The following LYN variants were observed in gnomAD, a reference collection of about 807,000 sequenced individuals.
The protein encoded by LYN is LYN proto-oncogene, Src family tyrosine kinase, also known as tyrosine-protein kinase Lyn.
Under a neutral mutation model 65.0 loss-of-function variants are expected in LYN, and 12 were observed. The ratio of observed to expected loss-of-function variants is 0.18; its 90% confidence interval spans 0.12 to 0.30. The LOEUF (loss-of-function observed/expected upper bound fraction) is 0.30, where lower values mean the gene tolerates loss of function less well. LYN is among the 10% of genes least tolerant of loss of function. The probability of loss-of-function intolerance (pLI) is 1.00; values close to 1 mark genes in which losing one functional copy is unlikely to be tolerated. For missense variants in LYN, 380 were observed against 623.2 expected, an observed-to-expected ratio of 0.61 and a Z score of 4.16; for synonymous variants, 222 against 221.2, an observed-to-expected ratio of 1.00 and a Z score of -0.03.
intron 10 of LYN, among the ~76,000 whole-genome samples, chr8:55,989,250 T>C (rs554068524): frequency 6.6e-6 from 1 of 152,352 alleles, no homozygotes; most frequent in African/African-American, 2.4e-5. Flanking sequence ...ATGAATGACC[T>C]GGATGGTCAT....
intron 1 of LYN, among the ~76,000 whole-genome samples, chr8:55,884,428 G>A (rs1804733838): frequency 6.6e-6 from 1 of 150,570 alleles, no homozygotes; most frequent in African/African-American, 2.4e-5. Context: ...TTTGGCTTAA[G>A]TTAGTTGGAA....
At chr8:55,886,476 G>A (rs942129420) in intron 1 of LYN, among the ~76,000 whole-genome samples, 7 of 152,098 alleles carry the variant, frequency 4.6e-5, no homozygotes, top group Non-Finnish European at 8.8e-5. Context: ...TCGAACACCT[G>A]ACCTCAGGTG....
At chr8:55,918,969 C>A (rs1437723289) in intron 1 of LYN, among the ~76,000 whole-genome samples, 1 of 129,182 alleles carries the variant, frequency 7.7e-6, no homozygotes, top group African/African-American at 3.0e-5. Flanking sequence ...GAGTTCGAGG[C>A]AGGAGAATTG....
intron 1 of LYN, among the ~76,000 whole-genome samples, chr8:55,890,132 A>AAAAAAAAAAAAAAATAAAAAC (rs1158967300): frequency 6.6e-6 from 1 of 150,608 alleles, no homozygotes; most frequent in Non-Finnish European, 1.5e-5. Context: ...AAAAAAAAAA[A>AAAAAAAAAAAAAAATAAAAAC]AAAAAAGAAT....
chr8:55,895,274 G>A (rs1212392074), intron 1 of LYN, among the ~76,000 whole-genome samples: 2 of 152,144 alleles, frequency 1.3e-5, no homozygotes, highest in Non-Finnish European at 2.9e-5. Flanking sequence ...TAAGGAGACT[G>A]ACCAGAGCAG....
At chr8:55,895,701 C>T (rs1319702064) in intron 1 of LYN, 1 of 151,952 alleles carries the variant, frequency 6.6e-6, no homozygotes, top group East Asian at 1.9e-4. Flanking sequence ...AGATGAAGCT[C>T]CTTCATCTAA....
intron 1 of LYN, among the ~76,000 whole-genome samples, chr8:55,939,122 A>G (rs866450594): frequency 6.6e-6 from 1 of 152,210 alleles, no homozygotes; most frequent in Non-Finnish European, 1.5e-5. Context: ...TTCATACAGC[A>G]TAAGGAATTG....
chr8:55,903,370 A>G (rs1805332554), intron 1 of LYN, among the ~76,000 whole-genome samples: 1 of 152,240 alleles, frequency 6.6e-6, no homozygotes, highest in African/African-American at 2.4e-5. Flanking sequence ...TATTCAAAAG[A>G]ACAGAGAGAT....
chr8:55,946,266 C>G (rs1331951316), intron 2 of LYN, among the ~76,000 whole-genome samples, 182 bp from the exon 3 acceptor site: 1 of 152,246 alleles, frequency 6.6e-6, no homozygotes, highest in South Asian at 2.1e-4. Flanking sequence ...AGAGCCCTGT[C>G]ACTGGCCAAG....
intron 12 of LYN, among the ~76,000 whole-genome samples, chr8:55,999,761 C>T (rs1268627358): frequency 2.6e-5 from 4 of 152,068 alleles, no homozygotes; most frequent in African/African-American, 7.2e-5. Flanking sequence ...CACCTGAGGT[C>T]GGGAGTTGGA....
At chr8:56,004,006 C>T (rs1434529107) in intron 12 of LYN, among the ~76,000 whole-genome samples, 1 of 143,798 alleles carries the variant, frequency 7.0e-6, no homozygotes, top group Admixed American at 7.2e-5. Flanking sequence ...CATCTCACCT[C>T]ACTGCAACCT....
intron 1 of LYN, among the ~76,000 whole-genome samples, chr8:55,925,959 A>G (rs1319432793): frequency 6.6e-6 from 1 of 152,226 alleles, no homozygotes; most frequent in Non-Finnish European, 1.5e-5. Context: ...GCTTCCAAAC[A>G]TTTTTATTAT....
At chr8:55,972,205 G>A (rs757486087) in intron 10 of LYN, among the ~76,000 whole-genome samples, 10 of 152,126 alleles carry the variant, frequency 6.6e-5, no homozygotes, top group Non-Finnish European at 1.2e-4. Flanking sequence ...AGCAGCAGCC[G>A]GCAGGACCCT....
intron 10 of LYN, among the ~76,000 whole-genome samples, chr8:55,982,535 C>A (rs185470300): frequency 5.8e-4 from 88 of 152,284 alleles, no homozygotes; most frequent in Middle Eastern, 3.4e-3. Context: ...CTACCTCCCC[C>A]ACCCAGGACC....
chr8:55,946,124 G>A (rs1487505591), intron 2 of LYN, among the ~76,000 whole-genome samples: 1 of 152,206 alleles, frequency 6.6e-6, no homozygotes, highest in Non-Finnish European at 1.5e-5. Context: ...CACACTCATT[G>A]AGCTGGGCAA....
chr8:55,971,064 C>T (rs1009259005), intron 10 of LYN, among the ~76,000 whole-genome samples: 3 of 152,220 alleles, frequency 2.0e-5, no homozygotes, highest in African/African-American at 7.2e-5. Context: ...TCACAGTGCT[C>T]AGGCATCCTC....
At chr8:55,986,002 A>G (rs1172563346) in intron 10 of LYN, among the ~76,000 whole-genome samples, 1 of 152,108 alleles carries the variant, frequency 6.6e-6, no homozygotes, top group Non-Finnish European at 1.5e-5. Flanking sequence ...CCTCATCTCT[A>G]CAAAAAAATA....
intron 1 of LYN, chr8:55,895,639 A>G (rs970537190): frequency 4.6e-5 from 7 of 151,828 alleles, no homozygotes; most frequent in African/African-American, 1.7e-4. Flanking sequence ...TTTTTTTTTT[A>G]AAGGAATTGG....
rs762523080 is a variant in LYN, at chr8:55,906,697, AC to A, written c.-6+26597del. ...AGATCAGCTTGGGCAACGTAGCAAGACCCAGTCTCTACCAAAAAAAAGAAAA... is the reference window on the plus strand; with the variant it reads ...AGATCAGCTTGGGCAACGTAGCAAGACCAGTCTCTACCAAAAAAAAGAAAA... On this transcript the variant is annotated intron_variant, in intron 1 of 12. Coordinates refer to ENST00000519728, the MANE Select transcript of LYN (RefSeq NM_002350.4). 3.3e-4 allele frequency among the ~76,000 whole-genome samples: 50 copies of A among 151,184 alleles called. 1 individual carries two copies. Among genetic ancestry groups the A allele is most frequent in the Admixed American group, 3.3e-4 (5 of 15,146 alleles).
Sources: allele counts gnomAD v4.1 joint callset (sites outside exome capture counted in the v4.1 genomes callset), GRCh38; gene constraint gnomAD v4.1.1; transcripts MANE v1.5; gene names NCBI Gene and HGNC (gene_info 2026-07-23, HGNC 2026-07-21).